Variants in CFAP47 observed in about 807,000 individuals in gnomAD.
CFAP47 encodes the protein cilia and flagella associated protein 47.
CFAP47 carries 29 observed loss-of-function variants against 148.1 expected under a neutral mutation model. That is an observed-to-expected ratio of 0.20 (90% confidence interval 0.15 to 0.27). CFAP47 has a LOEUF of 0.27. Among genes scored for constraint, CFAP47 ranks in the 10% least tolerant of loss-of-function variants. The pLI, the probability that CFAP47 is intolerant of heterozygous loss-of-function variation, is 1.00. For missense variants in CFAP47, 1,872 were observed against 1,697.5 expected (o/e 1.10, Z -1.81); for synonymous variants, 664 against 577.3 (o/e 1.15, Z -2.15).
intron 45 of CFAP47, among the ~76,000 whole-genome samples, chrX:36,217,126 T>A (rs188011248): frequency 4.1e-4 from 46 of 112,023 alleles, no homozygotes; most frequent in Non-Finnish European, 7.5e-4. Context: ...ATGGACTCCA[T>A]TGGATAAGAT....
rs987940784 is a variant in CFAP47 at position 35,973,840 on chromosome X, T to A, written c.2255-1307T>A. Among the ~76,000 whole-genome samples, 3 of 112,411 alleles carry A rather than the reference T, an allele frequency of 2.7e-5. No homozygotes were observed. The Admixed American group carries it at 2.8e-4, about 11-fold the overall frequency. Reference sequence around the variant, plus strand: ...TACACATAATAAGTGTTTAGAAAGTTTTAGTGAAAACACTTCATCCCTAAG... The same window carrying A: ...TACACATAATAAGTGTTTAGAAAGTATTAGTGAAAACACTTCATCCCTAAG... On this transcript the variant is annotated intron_variant, in intron 13 of 63. Transcript: ENST00000378653.
chrX:36,364,285 A>C (rs893382875), intron 61 of CFAP47, among the ~76,000 whole-genome samples: 1 of 110,814 alleles, frequency 9.0e-6, no homozygotes, highest in Non-Finnish European at 1.9e-5. Flanking sequence ...ATTATTCAGC[A>C]TTGTTCATTT....
At chrX:35,922,474 C>T (rs1935593077) in intron 1 of CFAP47, among the ~76,000 whole-genome samples, 1 of 112,516 alleles carries the variant, frequency 8.9e-6, no homozygotes, top group African/African-American at 3.2e-5. Context: ...TGCAGTTTGA[C>T]CAAAAGCACA....
intron 13 of CFAP47, among the ~76,000 whole-genome samples, chrX:35,972,704 G>A (rs375969762): frequency 9.0e-6 from 1 of 111,311 alleles, no homozygotes; most frequent in East Asian, 2.8e-4. Context: ...TCAATATTTT[G>A]GTCCTTTTTC....
chrX:36,323,935 C>A (rs1556012550), intron 57 of CFAP47, among the ~76,000 whole-genome samples: 1 of 111,352 alleles, frequency 9.0e-6, no homozygotes, highest in East Asian at 2.8e-4. Context: ...GAATGAGCTT[C>A]ATACTATACT....
At chrX:35,928,769 C>T (rs749941226) in intron 2 of CFAP47, among the ~76,000 whole-genome samples, 9 of 110,917 alleles carry the variant, frequency 8.1e-5, no homozygotes, top group African/African-American at 2.9e-4. Context: ...AGATTTTCTT[C>T]TATTTTTAAC....
intron 24 of CFAP47, among the ~76,000 whole-genome samples, chrX:36,037,674 C>T (rs1379516522): frequency 9.0e-6 from 1 of 111,056 alleles, no homozygotes; most frequent in Non-Finnish European, 1.9e-5. Context: ...CCTTCTCTAT[C>T]ACCCTAGAAC....
intron 39 of CFAP47, among the ~76,000 whole-genome samples, chrX:36,168,139 T>A (rs1170771108): frequency 8.9e-6 from 1 of 111,906 alleles, no homozygotes; most frequent in Non-Finnish European, 1.9e-5. Flanking sequence ...ATCTTGTCAA[T>A]CTTTCCTGTT....
At chrX:35,922,802 A>G (rs141526788) in intron 1 of CFAP47, among the ~76,000 whole-genome samples, 1,540 of 112,360 alleles carry the variant, frequency 0.014, 37 homozygotes, top group African/African-American at 0.047. Context: ...AATCATTTTC[A>G]ACATAACCTC....
intron 60 of CFAP47, among the ~76,000 whole-genome samples, chrX:36,354,480 CAAAAAAAAAA>C (rs869120972): frequency 2.5e-5 from 1 of 40,549 alleles, no homozygotes; most frequent in Non-Finnish European, 5.1e-5. Context: ...GACTCTGTCT[CAAAAAAAAAA>C]AAAAAAAAAA....
chrX:36,205,109 A>C lies in CFAP47; in HGVS notation c.6816A>C (p.Lys2272Asn), dbSNP rs1398090177. The C allele has an allele frequency of 1.7e-5, 5 of 294,297 alleles. No individual in the cohort carries two copies. Among genetic ancestry groups the C allele is most frequent in the Non-Finnish European group, 2.4e-5 (4 of 168,977 alleles). The allele number at this position is 294,297 out of a possible 1,213,427, so 24.3% of individuals were successfully genotyped here. A position where few individuals can be genotyped will look rare whatever the true frequency, so the allele number is the denominator to read the frequency against. ...AAGTAATTAAACTTTCAAAAGCAAA[A>C]GGTAATCAGTGATGTGCGGCCTAAA... ...EPQVIKLSKA[K>N]ASDGSVPLPL... The change falls in exon 45 of 64, where the codon AAA becomes AAC. Residue 2272 changes from lysine (K) to asparagine (N), a missense_variant and splice_region_variant. By Grantham distance (94) the Lys-to-Asn change is moderately conservative (BLOSUM62 0). Transcript: ENST00000378653.
chrX:36,160,592 G>C (rs1939417985), intron 38 of CFAP47, 89 bp from the exon 39 acceptor site: 1 of 274,402 alleles, frequency 3.6e-6, no homozygotes, highest in Non-Finnish European at 6.4e-6. Context: ...TAAATGGACG[G>C]TTTATAGATT....
chrX:36,243,123 A>G (rs1412046864), intron 48 of CFAP47, among the ~76,000 whole-genome samples: 3 of 111,476 alleles, frequency 2.7e-5, no homozygotes, highest in Non-Finnish European at 5.7e-5. Context: ...TCTTTCTCAG[A>G]TAATCAAATG....
chrX:35,932,553 G>T (rs1935846932), intron 2 of CFAP47, among the ~76,000 whole-genome samples: 1 of 109,650 alleles, frequency 9.1e-6, no homozygotes, highest in Non-Finnish European at 1.9e-5. Context: ...TGCTCAGCCT[G>T]CTCCATTTTT....
intron 53 of CFAP47, 122 bp downstream of exon 53, chrX:36,301,301 T>G (rs1206021759): frequency 2.3e-6 from 1 of 438,623 alleles, no homozygotes; most frequent in African/African-American, 2.6e-5. Flanking sequence ...TCATTGATTT[T>G]TTTTCCCCTA....
intron 29 of CFAP47, among the ~76,000 whole-genome samples, chrX:36,077,077 A>T (rs1032316747): frequency 2.0e-5 from 2 of 102,373 alleles, no homozygotes; most frequent in South Asian, 9.7e-4. Flanking sequence ...TGGATTCTCT[A>T]TTCTGTTCCG....
At chrX:36,359,131 A>T (rs1361629024) in intron 60 of CFAP47, among the ~76,000 whole-genome samples, 2 of 112,403 alleles carry the variant, frequency 1.8e-5, no homozygotes, top group Non-Finnish European at 3.7e-5. Context: ...ATAAATAACG[A>T]TAAGAAAAAC....
At chrX:36,375,026 A>G in intron 62 of CFAP47, 1 of 471,339 alleles carries the variant, frequency 2.1e-6, no homozygotes, top group Non-Finnish European at 3.9e-6. Flanking sequence ...TGTGATCATC[A>G]GTGATTTCAA....
At chrX:36,286,377 A>G (rs1483345954) in intron 51 of CFAP47, among the ~76,000 whole-genome samples, 2 of 109,800 alleles carry the variant, frequency 1.8e-5, no homozygotes, top group Non-Finnish European at 3.8e-5. Context: ...AGATTTCTTT[A>G]TAGAATTGAT....
Sources: allele counts gnomAD v4.1 joint callset (sites outside exome capture counted in the v4.1 genomes callset), GRCh38; gene constraint gnomAD v4.1.1; transcripts MANE v1.5; gene names NCBI Gene and HGNC (gene_info 2026-07-23, HGNC 2026-07-21).